GABRG3: variants seen among roughly 807,000 people sequenced by gnomAD.
The protein encoded by GABRG3 is gamma-aminobutyric acid receptor subunit gamma-3.
In GABRG3, 25 loss-of-function variants were observed where a neutral mutation model predicts 48.8. The observed-to-expected ratio is 0.51, with a 90% CI of 0.37 to 0.72. The LOEUF is 0.72. GABRG3 is among the 30% of genes least tolerant of loss of function. The pLI is 0.00. For synonymous variants in GABRG3, 227 were observed against 217.6 expected (o/e 1.04, Z -0.38); for missense variants, 394 against 577.9 (o/e 0.68, Z 3.26).
At chr15:27,419,350 CT>C (rs911575605) in intron 5 of GABRG3, among the ~76,000 whole-genome samples, 51 of 152,144 alleles carry the variant, frequency 3.4e-4, no homozygotes, top group East Asian at 1.7e-3. Context: ...GTTCTTCTAA[CT>C]TTTTTTTCAT....
At chr15:26,973,738 T>C (rs902771490) in intron 1 of GABRG3, among the ~76,000 whole-genome samples, 3 of 152,246 alleles carry the variant, frequency 2.0e-5, no homozygotes, top group African/African-American at 7.2e-5. Flanking sequence ...CTCCTTTTAA[T>C]GCTTAAAAAT....
intron 5 of GABRG3, among the ~76,000 whole-genome samples, chr15:27,440,790 G>A (rs949927315): frequency 1.3e-5 from 2 of 152,288 alleles, no homozygotes. Context: ...CAATATCAAT[G>A]GAACATAGTT....
At chr15:27,223,442 G>GT (rs1889512651) in intron 3 of GABRG3, among the ~76,000 whole-genome samples, 2 of 152,156 alleles carry the variant, frequency 1.3e-5, no homozygotes, top group South Asian at 2.1e-4. Context: ...TGAGACAAAT[G>GT]TAAGCTTCAA....
intron 3 of GABRG3, among the ~76,000 whole-genome samples, chr15:27,091,797 G>C (rs1003121513): frequency 6.6e-6 from 1 of 152,146 alleles, no homozygotes; most frequent in Non-Finnish European, 1.5e-5. Context: ...TGGGAAACTC[G>C]GCCTGCCCTA....
At chr15:27,417,250 A>G (rs1381646737) in intron 5 of GABRG3, among the ~76,000 whole-genome samples, 3 of 152,152 alleles carry the variant, frequency 2.0e-5, no homozygotes, top group African/African-American at 7.2e-5. Context: ...GATGTTTCTA[A>G]TTATCTCAAA....
chr15:27,350,106 C>G (rs769019030), intron 5 of GABRG3: 14 of 455,912 alleles, frequency 3.1e-5, no homozygotes, highest in Non-Finnish European at 5.7e-5. Context: ...TCACGTTTTT[C>G]TTCCCTGCTC....
chr15:27,332,264 C>T (rs1298005311), intron 5 of GABRG3, among the ~76,000 whole-genome samples: 2 of 152,138 alleles, frequency 1.3e-5, no homozygotes, highest in Non-Finnish European at 2.9e-5. Context: ...GCCTGCAATC[C>T]CAGAACTTTG....
chr15:27,026,858 T>TG (rs1895992914), intron 3 of GABRG3, 37 bp downstream of exon 3: 1 of 1,432,840 alleles, frequency 7.0e-7, no homozygotes, highest in South Asian at 1.3e-5. Flanking sequence ...TAACGGCTGT[T>TG]GCACCTCTTC....
At chr15:27,210,300 G>A (rs928233925) in intron 3 of GABRG3, among the ~76,000 whole-genome samples, 7 of 152,294 alleles carry the variant, frequency 4.6e-5, no homozygotes, top group African/African-American at 9.6e-5. Flanking sequence ...CACAGTCTCT[G>A]TCTTACAGAT....
chr15:27,256,892 G>A (rs774933210), intron 3 of GABRG3, among the ~76,000 whole-genome samples: 7 of 152,306 alleles, frequency 4.6e-5, no homozygotes, highest in Admixed American at 1.3e-4. Context: ...GACTGCAGAC[G>A]TCTCCTGGAC....
intron 5 of GABRG3, among the ~76,000 whole-genome samples, chr15:27,416,948 A>G (rs1415054551): frequency 6.6e-6 from 1 of 152,252 alleles, no homozygotes; most frequent in Non-Finnish European, 1.5e-5. Flanking sequence ...CTAATCACAA[A>G]GAATCATTGG....
At chr15:27,297,733 T>C (rs930257198) in intron 3 of GABRG3, among the ~76,000 whole-genome samples, 1 of 152,180 alleles carries the variant, frequency 6.6e-6, no homozygotes, top group Non-Finnish European at 1.5e-5. Context: ...CTTTCCTTTC[T>C]TCTTTCAGAG....
intron 5 of GABRG3, among the ~76,000 whole-genome samples, chr15:27,387,818 AGGG>A: frequency 2.0e-5 from 1 of 50,586 alleles, no homozygotes; most frequent in African/African-American, 6.9e-5. Context: ...GGAGGGAGGG[AGGG>A]AGGGAGAGAG....
intron 4 of GABRG3, among the ~76,000 whole-genome samples, chr15:27,327,710 A>G (rs1279194910): frequency 6.6e-6 from 1 of 152,102 alleles, no homozygotes; most frequent in Non-Finnish European, 1.5e-5. Flanking sequence ...GCTGCTCCAG[A>G]GGACACTGCA....
At chr15:27,285,618 A>C (rs548618983) in intron 3 of GABRG3, among the ~76,000 whole-genome samples, 11 of 152,240 alleles carry the variant, frequency 7.2e-5, no homozygotes, top group Non-Finnish European at 1.5e-4. Context: ...AGTGATGTAG[A>C]AGAGATGTCA....
intron 3 of GABRG3, among the ~76,000 whole-genome samples, chr15:27,286,179 TGATATGTACG>T (rs1891605138): frequency 6.6e-6 from 1 of 152,214 alleles, no homozygotes; most frequent in Non-Finnish European, 1.5e-5. Context: ...GGAAATGAAC[TGATATGTACG>T]GATATGTACT....
At chr15:27,423,707 GGC>G (rs1888201592) in intron 5 of GABRG3, among the ~76,000 whole-genome samples, 3 of 141,740 alleles carry the variant, frequency 2.1e-5, no homozygotes, top group South Asian at 4.5e-4. Flanking sequence ...CACCACACCT[GGC>G]TTTTTCTTTT....
intron 3 of GABRG3, chr15:27,158,441 A>G (rs1249254268): frequency 6.6e-6 from 1 of 152,166 alleles, no homozygotes; most frequent in Non-Finnish European, 1.5e-5. Flanking sequence ...ATTTTCCCTT[A>G]TTCCATGTTT....
intron 3 of GABRG3, among the ~76,000 whole-genome samples, chr15:27,253,967 T>C (rs1316046053): frequency 2.0e-5 from 3 of 152,230 alleles, no homozygotes; most frequent in Non-Finnish European, 4.4e-5. Flanking sequence ...GTTATGTCGC[T>C]TTCCAATTGA....
Sources: allele counts gnomAD v4.1 joint callset (sites outside exome capture counted in the v4.1 genomes callset), GRCh38; gene constraint gnomAD v4.1.1; transcripts MANE v1.5; gene names NCBI Gene and HGNC (gene_info 2026-07-23, HGNC 2026-07-21).